The following TCTN1 variants were observed in gnomAD, a reference collection of about 807,000 sequenced individuals.
TCTN1 encodes the protein tectonic-1.
In TCTN1, 58 loss-of-function variants were observed where a neutral mutation model predicts 65.8. The ratio of observed to expected loss-of-function variants is 0.88; its 90% CI spans 0.71 to 1.10. The LOEUF (loss-of-function observed/expected upper bound fraction) is 1.10, where lower values mean the gene tolerates loss of function less well. Ranked by LOEUF, TCTN1 falls within the 50% of genes least tolerant of loss-of-function variation. The pLI is 0.00. For synonymous variants in TCTN1, 273 were observed against 289.1 expected (o/e 0.94, Z 0.57); for missense variants, 645 against 719.4 (o/e 0.90, Z 1.18).
At chr12:110,615,268 CA>C (rs759532103) in intron 1 of TCTN1, among the ~76,000 whole-genome samples, 5 of 145,756 alleles carry the variant, frequency 3.4e-5, no homozygotes, top group Non-Finnish European at 4.5e-5. Flanking sequence ...AAGACTGTCT[CA>C]AAAAAAAAAA....
intron 2 of TCTN1, among the ~76,000 whole-genome samples, chr12:110,621,880 G>A (rs1593238275): frequency 6.6e-6 from 1 of 151,382 alleles, no homozygotes; most frequent in Non-Finnish European, 1.5e-5. Flanking sequence ...TCTCACGCCT[G>A]TAATCCCAGC....
intron 3 of TCTN1, chr12:110,627,738 G>T: frequency 2.3e-6 from 1 of 443,988 alleles, no homozygotes; most frequent in Non-Finnish European, 3.9e-6. Context: ...ATATTTGCAT[G>T]AAAACAGGAT....
intron 4 of TCTN1, 93 bp from the exon 5 acceptor site, chr12:110,632,379 C>T (rs1461191480): frequency 1.5e-6 from 2 of 1,293,052 alleles, no homozygotes; most frequent in Non-Finnish European, 2.2e-6. Flanking sequence ...TCTCTGATGC[C>T]TGCAGTGCTG....
intron 1 of TCTN1, among the ~76,000 whole-genome samples, chr12:110,619,015 AC>A (rs1177552179): frequency 1.3e-5 from 2 of 149,900 alleles, no homozygotes; most frequent in Non-Finnish European, 3.0e-5. Context: ...TAATAAAAAT[AC>A]AAAAAAAAAA....
chr12:110,641,125 A>G lies in TCTN1; in HGVS notation c.1080A>G (p.Gln360=). The part of the protein sequence containing the change: ...TVSSVVVPLQ[Q]KFEIHFLQEN... ...GCAGCGTAGTGGTCCCACTGCAGCA[A>G]AAGTTTGAAATTCATTTTCTTCAGG... The change falls in exon 9 of 15, where the codon CAA becomes CAG. Residue 360 remains glutamine, a synonymous_variant. Coordinates refer to ENST00000397659, the MANE Select transcript of TCTN1 (RefSeq NM_001082538.3). 2 of 1,614,258 alleles carry G rather than the reference A, an allele frequency of 1.2e-6. No individual in the cohort carries two copies. The highest frequency in any genetic ancestry group is 1.7e-6 in the Non-Finnish European group (2 of 1,180,048).
chr12:110,637,245 C>A (rs1034552844), intron 7 of TCTN1, among the ~76,000 whole-genome samples: 1 of 152,198 alleles, frequency 6.6e-6, no homozygotes, highest in African/African-American at 2.4e-5. Context: ...GGTAAGCGTC[C>A]GTGCAGAGGC....
intron 4 of TCTN1, among the ~76,000 whole-genome samples, chr12:110,631,650 A>G (rs897565743): frequency 1.3e-5 from 2 of 152,062 alleles, no homozygotes; most frequent in African/African-American, 4.8e-5. Flanking sequence ...AAACAAACAA[A>G]CAAAGCCAAA....
chr12:110,632,123 T>C (rs969226123), intron 4 of TCTN1, among the ~76,000 whole-genome samples: 6 of 152,228 alleles, frequency 3.9e-5, no homozygotes, highest in Admixed American at 6.5e-5. Flanking sequence ...GTATATGTTA[T>C]TTAAATAATT....
intron 1 of TCTN1, among the ~76,000 whole-genome samples, chr12:110,617,830 G>A (rs2065149094): frequency 6.6e-6 from 1 of 151,550 alleles, no homozygotes; most frequent in Admixed American, 6.6e-5. Context: ...CAGTAGAGAC[G>A]GGGTTTTACC....
chr12:110,634,389 A>T, intron 5 of TCTN1: 1 of 493,702 alleles, frequency 2.0e-6, no homozygotes, highest in Non-Finnish European at 4.0e-6. Context: ...AATTTAAAAC[A>T]TTGTAGGCCA....
chr12:110,622,409 A>G (rs759465876), intron 2 of TCTN1, among the ~76,000 whole-genome samples: 1 of 152,172 alleles, frequency 6.6e-6, no homozygotes, highest in Non-Finnish European at 1.5e-5. Flanking sequence ...CTGCCTTCAA[A>G]GAGCTTACCG....
chr12:110,637,952 GT>G (rs1400647945), intron 7 of TCTN1, among the ~76,000 whole-genome samples: 1 of 152,230 alleles, frequency 6.6e-6, no homozygotes, highest in Non-Finnish European at 1.5e-5. Flanking sequence ...TATGAGGAAT[GT>G]GATGGATGTT....
At chr12:110,637,074 C>T (rs2066623438) in intron 7 of TCTN1, among the ~76,000 whole-genome samples, 1 of 152,204 alleles carries the variant, frequency 6.6e-6, no homozygotes, top group South Asian at 2.1e-4. Context: ...CTAGGGTTTG[C>T]ACCCTAGGTC....
At chr12:110,623,340 T>G (rs546074962) in intron 2 of TCTN1, among the ~76,000 whole-genome samples, 4 of 152,358 alleles carry the variant, frequency 2.6e-5, no homozygotes, top group African/African-American at 9.6e-5. Context: ...TCCTACTGTC[T>G]GTCTGATTTC....
intron 2 of TCTN1, among the ~76,000 whole-genome samples, chr12:110,622,368 C>A (rs1310152509): frequency 6.6e-6 from 1 of 152,032 alleles, no homozygotes; most frequent in Non-Finnish European, 1.5e-5. Context: ...AATGCCAGCA[C>A]CAGGGACATA....
chr12:110,641,072 G>A lies in TCTN1; in HGVS notation c.1027G>A (p.Asp343Asn), dbSNP rs937841249. The A allele has an allele frequency of 4.3e-6, 7 of 1,614,118 alleles. No homozygotes were observed. In the African/African-American group the frequency reaches 8.0e-5, roughly 18 times the overall value. ...AGATGCAGGTGAAGTCACCAAAGCT[G>A]ATCTCTCATTCGTTCTGGGGACAGT... ...YTDAGEVTKA[D>N]LSFVLGTVSS... The change falls in exon 9 of 15, where the codon GAT (aspartate) becomes AAT (asparagine). Residue 343 changes from aspartate to asparagine, a missense_variant. Coordinates refer to ENST00000397659, the MANE Select transcript of TCTN1 (RefSeq NM_001082538.3).
In TCTN1 at chr12:110,629,263, A is replaced by G. The variant is rs565660018; in HGVS notation, c.624+345A>G. Reference sequence around the variant, plus strand: ...TGACAAATGGGATCTAATTAAACTAAAGAGCTTCTGCACAGCAAAAGAAAC... The same window carrying G: ...TGACAAATGGGATCTAATTAAACTAGAGAGCTTCTGCACAGCAAAAGAAAC... On this transcript the variant is annotated intron_variant, in intron 4 of 14. Transcript: ENST00000397659. 6.1e-5 allele frequency: 23 copies of G among 379,412 alleles called. No homozygotes were observed. The East Asian group carries it at 1.1e-3, about 18-fold the overall frequency. The allele number at this position is 379,412 out of a possible 1,614,324, so 23.5% of individuals were successfully genotyped here.
chr12:110,646,232 A>G (rs574277487), intron 12 of TCTN1: 2 of 151,742 alleles, frequency 1.3e-5, no homozygotes, highest in South Asian at 2.1e-4. Context: ...CACCAGCTGC[A>G]TGCTGCATTG....
chr12:110,626,264 C>A, intron 2 of TCTN1, 98 bp from the exon 3 acceptor site: 1 of 1,336,996 alleles, frequency 7.5e-7, no homozygotes, highest in Non-Finnish European at 1.0e-6. Flanking sequence ...TAACTGTTAA[C>A]ATAGTACAGT....
Sources: gnomAD v4.1 joint callset for allele counts (sites outside exome capture counted in the v4.1 genomes callset) on GRCh38, gnomAD v4.1.1 for gene constraint, MANE v1.5 for transcripts, NCBI Gene and HGNC (gene_info 2026-07-23, HGNC 2026-07-21) for gene names.